SNX7: variants seen among roughly 807,000 people sequenced by gnomAD.
The protein encoded by SNX7 is sorting nexin-7.
A neutral mutation model predicts 48.4 loss-of-function variants in SNX7; 35 were observed. That is an observed-to-expected ratio of 0.72 (90% CI 0.55 to 0.96). The LOEUF is 0.96. SNX7 is among the 40% of genes least tolerant of loss of function. SNX7 has a pLI of 0.00. For missense variants in SNX7, 553 were observed against 548.9 expected (o/e 1.01, Z -0.07); for synonymous variants, 190 against 190.2 (o/e 1.00, Z 0.01).
chr1:98,720,058 A>G (rs1193925150), intron 7 of SNX7, among the ~76,000 whole-genome samples: 3 of 151,696 alleles, frequency 2.0e-5, no homozygotes, highest in South Asian at 2.1e-4. Context: ...TTCATATGCA[A>G]CGATGATAAG....
chr1:98,674,498 G>A (rs545298996), intron 1 of SNX7, among the ~76,000 whole-genome samples: 31 of 152,246 alleles, frequency 2.0e-4, no homozygotes, highest in African/African-American at 7.2e-4. Flanking sequence ...TAGAAAGATA[G>A]CAGTCGTAAT....
chr1:98,705,618 T>G (rs1324777664), intron 7 of SNX7, among the ~76,000 whole-genome samples: 1 of 152,142 alleles, frequency 6.6e-6, no homozygotes, highest in East Asian at 1.9e-4. Flanking sequence ...AAGGAATATT[T>G]CAGGTAGAAT....
At chr1:98,675,659 C>G (rs554684570) in intron 1 of SNX7, among the ~76,000 whole-genome samples, 2 of 152,266 alleles carry the variant, frequency 1.3e-5, no homozygotes, top group South Asian at 4.1e-4. Context: ...CAGTAAAATA[C>G]AAAGTACGTT....
At chr1:98,698,483 TGTTATTATTGATTACACTTG>T (rs1456833068) in intron 5 of SNX7, among the ~76,000 whole-genome samples, 2 of 152,096 alleles carry the variant, frequency 1.3e-5, no homozygotes, top group Non-Finnish European at 2.9e-5. Flanking sequence ...TGAAAAGGTA[TGTTATTATTGATTACACTTG>T]GACAGTAGTC....
intron 2 of SNX7, among the ~76,000 whole-genome samples, chr1:98,688,234 C>T (rs956272934): frequency 2.0e-5 from 3 of 152,078 alleles, no homozygotes; most frequent in Non-Finnish European, 2.9e-5. Flanking sequence ...CATACATGGA[C>T]AATCACCTAT....
chr1:98,676,367 G>T (rs1172721075), intron 1 of SNX7, among the ~76,000 whole-genome samples: 1 of 151,928 alleles, frequency 6.6e-6, no homozygotes, highest in Non-Finnish European at 1.5e-5. Flanking sequence ...GACATTTATT[G>T]CTTCTAAATT....
intron 8 of SNX7, among the ~76,000 whole-genome samples, chr1:98,745,304 T>A (rs1191559966): frequency 6.6e-6 from 1 of 152,062 alleles, no homozygotes; most frequent in Middle Eastern, 3.2e-3. Context: ...TCTTTAAAGT[T>A]AAATTCTCTT....
At chr1:98,726,396 C>A (rs189174726) in intron 7 of SNX7, among the ~76,000 whole-genome samples, 2 of 152,234 alleles carry the variant, frequency 1.3e-5, no homozygotes, top group Admixed American at 1.3e-4. Context: ...AAGCCAGAAG[C>A]ATTTGTTATT....
At chr1:98,690,139 T>C (rs1207221250) in intron 2 of SNX7, among the ~76,000 whole-genome samples, 1 of 152,122 alleles carries the variant, frequency 6.6e-6, no homozygotes, top group Non-Finnish European at 1.5e-5. Flanking sequence ...TTCTGGTGAG[T>C]GTGAAATATA....
In SNX7 at chr1:98,692,667, C is replaced by A. The variant is rs193021196; in HGVS notation, c.639+968C>A. 2.0e-5 allele frequency among the ~76,000 whole-genome samples: 3 copies of A among 152,194 alleles called. No homozygotes were observed. In the East Asian group the frequency reaches 5.8e-4, roughly 29 times the overall value. The stretch of plus-strand genomic sequence containing the variant: ...TCACATGGCATTTTAAGCAGATATT[C>A]ACAACACTGGAGCTCACCACAAATA... On this transcript the variant is annotated intron_variant, in intron 4 of 8. Transcript: ENST00000306121.
intron 8 of SNX7, among the ~76,000 whole-genome samples, chr1:98,754,949 ATC>A (rs1464229803): frequency 6.6e-6 from 1 of 151,526 alleles, no homozygotes; most frequent in Non-Finnish European, 1.5e-5. Flanking sequence ...GTGCTAAAAA[ATC>A]TCTCTGTTCT....
rs1358160253 is a variant in SNX7 at position 98,760,163 on chromosome 1, A to T, written c.*32A>T. 1.3e-6 allele frequency: 2 copies of T among 1,491,102 alleles called. No homozygotes were observed. Among genetic ancestry groups the T allele is most frequent in the South Asian group, 2.3e-5 (2 of 88,370 alleles). The allele number at this position is 1,491,102 out of a possible 1,614,324, so 92.4% of individuals were successfully genotyped here. A position where few individuals can be genotyped will look rare whatever the true frequency, so the allele number is the denominator to read the frequency against. On this transcript the variant is annotated 3_prime_UTR_variant, in exon 9 of 9. Transcript: ENST00000306121. ...TGAGGACTTCTGTTTGATCTTTGGG[A>T]GACAGCATTTATTAACCAAAGTTAT...
intron 8 of SNX7, among the ~76,000 whole-genome samples, chr1:98,757,465 G>T (rs974264217): frequency 3.3e-5 from 5 of 151,782 alleles, no homozygotes; most frequent in African/African-American, 7.3e-5. Flanking sequence ...CCTCTCTGTG[G>T]CCAGATTTCC....
intron 1 of SNX7, among the ~76,000 whole-genome samples, chr1:98,667,812 A>G (rs1470145966): frequency 6.6e-6 from 1 of 152,122 alleles, no homozygotes; most frequent in East Asian, 1.9e-4. Context: ...GAGGATAAAT[A>G]CTAATGACGA....
intron 2 of SNX7, 142 bp downstream of exon 2, chr1:98,685,209 A>G (rs1220948086): frequency 1.5e-5 from 7 of 468,054 alleles, no homozygotes; most frequent in Admixed American, 4.2e-5. Flanking sequence ...TTTGGCTAAC[A>G]CATTGCTTCT....
chr1:98,716,653 A>T (rs1325842609), intron 7 of SNX7, among the ~76,000 whole-genome samples: 1 of 152,140 alleles, frequency 6.6e-6, no homozygotes, highest in East Asian at 1.9e-4. Context: ...TTATACAGCT[A>T]GTTAAATAGA....
At chr1:98,706,154 C>G (rs946505779) in intron 7 of SNX7, among the ~76,000 whole-genome samples, 1 of 152,122 alleles carries the variant, frequency 6.6e-6, no homozygotes, top group Non-Finnish European at 1.5e-5. Flanking sequence ...GGAAAGAAAC[C>G]AGGTCCTCAT....
chr1:98,666,316 T>C (rs1050105161), intron 1 of SNX7, among the ~76,000 whole-genome samples: 1 of 152,158 alleles, frequency 6.6e-6, no homozygotes, highest in Non-Finnish European at 1.5e-5. Context: ...GAAATGGAAA[T>C]AGCATTGCTG....
chr1:98,699,765 CCT>C (rs1478577540), intron 6 of SNX7, among the ~76,000 whole-genome samples: 3 of 152,080 alleles, frequency 2.0e-5, no homozygotes, highest in Non-Finnish European at 2.9e-5. Context: ...ATGAGATCTG[CCT>C]CTCTCTTGTT....
Sources: allele counts gnomAD v4.1 joint callset (sites outside exome capture counted in the v4.1 genomes callset), GRCh38; gene constraint gnomAD v4.1.1; transcripts MANE v1.5; gene names NCBI Gene and HGNC (gene_info 2026-07-23, HGNC 2026-07-21).